ADGRL2: variants seen among roughly 807,000 people sequenced by gnomAD.
ADGRL2 encodes adhesion G protein-coupled receptor L2.
Under a neutral mutation model 157.4 loss-of-function variants are expected in ADGRL2, and 44 were observed. That is an observed-to-expected ratio of 0.28 (90% CI 0.22 to 0.36). The LOEUF (loss-of-function observed/expected upper bound fraction) is 0.36. Among genes scored for constraint, ADGRL2 ranks in the 10% least tolerant of loss-of-function variants. The pLI, the probability that ADGRL2 is intolerant of heterozygous loss-of-function variation, is 1.00. For missense variants in ADGRL2, 1,510 were observed against 1,768.9 expected, an observed-to-expected ratio of 0.85 and a Z score of 2.63; for synonymous variants, 585 against 624.7, an observed-to-expected ratio of 0.94 and a Z score of 0.95.
At chr1:81,761,587 A>G (rs1420057923) in intron 1 of ADGRL2, among the ~76,000 whole-genome samples, 1 of 152,002 alleles carries the variant, frequency 6.6e-6, no homozygotes, top group Admixed American at 6.6e-5. Flanking sequence ...AAAACAAAAT[A>G]GTTTATTCCT....
intron 3 of ADGRL2, among the ~76,000 whole-genome samples, chr1:81,592,664 A>G (rs2148594429): frequency 6.6e-6 from 1 of 152,300 alleles, no homozygotes. Flanking sequence ...GGAGAGGGCA[A>G]AGGAAGAAAG....
At chr1:81,871,996 A>C in intron 2 of ADGRL2, among the ~76,000 whole-genome samples, 1 of 152,134 alleles carries the variant, frequency 6.6e-6, no homozygotes, top group Non-Finnish European at 1.5e-5. Flanking sequence ...TTAGACATGA[A>C]GTCCTTGCCC....
At chr1:81,829,960 G>T (rs2091820586) in intron 1 of ADGRL2, among the ~76,000 whole-genome samples, 1 of 152,132 alleles carries the variant, frequency 6.6e-6, no homozygotes, top group African/African-American at 2.4e-5. Flanking sequence ...TAAGATGACT[G>T]ATTGATCTAG....
At chr1:81,351,871 G>A (rs1301926334) in intron 1 of ADGRL2, among the ~76,000 whole-genome samples, 1 of 152,210 alleles carries the variant, frequency 6.6e-6, no homozygotes, top group Non-Finnish European at 1.5e-5. Flanking sequence ...AAAAGATTAA[G>A]AGCGGCTCCC....
chr1:81,384,139 A>C (rs1479786053), intron 1 of ADGRL2, among the ~76,000 whole-genome samples: 1 of 152,178 alleles, frequency 6.6e-6, no homozygotes, highest in African/African-American at 2.4e-5. Flanking sequence ...TTGTGGCTTT[A>C]TCATAGAAAA....
At chr1:81,673,527 T>C (rs1443642471) in intron 3 of ADGRL2, among the ~76,000 whole-genome samples, 2 of 148,354 alleles carry the variant, frequency 1.3e-5, no homozygotes, top group East Asian at 2.0e-4. Flanking sequence ...TTTTTTTTTT[T>C]TTTTTGAGAC....
At chr1:81,928,879 GAGAC>G (rs1313353047) in intron 3 of ADGRL2, among the ~76,000 whole-genome samples, 1 of 151,702 alleles carries the variant, frequency 6.6e-6, no homozygotes, top group East Asian at 1.9e-4. Context: ...ACTTTTAACT[GAGAC>G]AGACAGAAAG....
At chr1:81,861,245 T>TC (rs2093378971) in intron 2 of ADGRL2, among the ~76,000 whole-genome samples, 6 of 152,098 alleles carry the variant, frequency 3.9e-5, no homozygotes, top group Admixed American at 3.9e-4. Flanking sequence ...GGTTTCGAAC[T>TC]CCTGACCTCA....
chr1:81,473,406 CAAT>C (rs1242321533), intron 2 of ADGRL2, among the ~76,000 whole-genome samples: 1 of 151,964 alleles, frequency 6.6e-6, no homozygotes, highest in Non-Finnish European at 1.5e-5. Flanking sequence ...CACTGGATTT[CAAT>C]AATGTAGTGT....
intron 3 of ADGRL2, among the ~76,000 whole-genome samples, chr1:81,919,429 G>A (rs2094930392): frequency 6.6e-6 from 1 of 151,920 alleles, no homozygotes; most frequent in East Asian, 1.9e-4. Flanking sequence ...ATTTTTGGAA[G>A]TTTCCCTCAC....
intron 2 of ADGRL2, among the ~76,000 whole-genome samples, chr1:81,504,480 T>C (rs777083886): frequency 8.6e-5 from 13 of 151,786 alleles, no homozygotes; most frequent in Non-Finnish European, 1.9e-4. Context: ...TTATATGTGT[T>C]TTGCTGACTT....
At chr1:81,787,620 A>G (rs1263338608) in intron 2 of ADGRL2, among the ~76,000 whole-genome samples, 1 of 152,158 alleles carries the variant, frequency 6.6e-6, no homozygotes, top group Non-Finnish European at 1.5e-5. Context: ...GCACCACTGC[A>G]CTTCAGCCTG....
intron 6 of ADGRL2, among the ~76,000 whole-genome samples, chr1:81,944,128 G>A (rs1648993889): frequency 6.6e-6 from 1 of 151,948 alleles, no homozygotes; most frequent in Non-Finnish European, 1.5e-5. Flanking sequence ...TGGCGCCAGT[G>A]GTTAAAGGAA....
chr1:81,323,268 G>T (rs551630390), intron 1 of ADGRL2, among the ~76,000 whole-genome samples: 4 of 151,772 alleles, frequency 2.6e-5, no homozygotes, highest in East Asian at 1.9e-4. Flanking sequence ...TTGAGGCAAA[G>T]TCTTGCTCTG....
chr1:81,541,120 A>T (rs2079873583), intron 2 of ADGRL2, among the ~76,000 whole-genome samples: 2 of 152,220 alleles, frequency 1.3e-5, no homozygotes, highest in Admixed American at 1.3e-4. Context: ...AGGAAACCAT[A>T]TCAATAATCT....
intron 3 of ADGRL2, among the ~76,000 whole-genome samples, chr1:81,931,136 G>A (rs962787941): frequency 1.3e-5 from 2 of 152,040 alleles, no homozygotes; most frequent in African/African-American, 4.8e-5. Context: ...GCAACAGAGC[G>A]AGGCTTTGTC....
At chr1:81,309,930 A>G (rs1659626767) in intron 1 of ADGRL2, among the ~76,000 whole-genome samples, 1 of 152,186 alleles carries the variant, frequency 6.6e-6, no homozygotes, top group Admixed American at 6.5e-5. Context: ...TAGCAACTCC[A>G]TTGAAGTTCT....
At chr1:81,557,934 T>C (rs763705150) in intron 2 of ADGRL2, 22 of 152,228 alleles carry the variant, frequency 1.4e-4, no homozygotes, top group Non-Finnish European at 2.1e-4. Flanking sequence ...TCACCTTACA[T>C]TGAGGAGGGC....
chr1:81,951,419 T>C (rs1166031080), intron 8 of ADGRL2, among the ~76,000 whole-genome samples: 2 of 152,170 alleles, frequency 1.3e-5, no homozygotes, highest in Admixed American at 6.5e-5. Flanking sequence ...AAATAAAATA[T>C]CATTAAGTTT....
Sources: allele counts gnomAD v4.1 joint callset (sites outside exome capture counted in the v4.1 genomes callset), GRCh38; gene constraint gnomAD v4.1.1; transcripts MANE v1.5; gene names NCBI Gene and HGNC (gene_info 2026-07-23, HGNC 2026-07-21).